SEMA3D: variants seen among roughly 807,000 people sequenced by gnomAD.
SEMA3D encodes semaphorin-3D.
A neutral mutation model predicts 100.1 loss-of-function variants in SEMA3D; 84 were observed. The ratio of observed to expected loss-of-function variants is 0.84; its 90% confidence interval spans 0.70 to 1.01. SEMA3D has a LOEUF of 1.01. SEMA3D is among the 50% of genes least tolerant of loss of function. The pLI is 0.00. For missense variants in SEMA3D, 875 were observed against 934.1 expected, an observed-to-expected ratio of 0.94 and a Z score of 0.82; for synonymous variants, 312 against 320.7, an observed-to-expected ratio of 0.97 and a Z score of 0.29.
intron 3 of SEMA3D, among the ~76,000 whole-genome samples, chr7:85,115,367 A>G (rs555996903): frequency 1.8e-4 from 27 of 152,302 alleles, no homozygotes; most frequent in African/African-American, 6.3e-4. Flanking sequence ...TAATGAGATA[A>G]TTCACACTCA....
upstream of SEMA3D, among the ~76,000 whole-genome samples, chr7:85,188,750 T>C (rs1053674179): frequency 6.6e-6 from 1 of 152,210 alleles, no homozygotes; most frequent in Non-Finnish European, 1.5e-5. Flanking sequence ...TCTTTTAAGT[T>C]GTAGCTTAAT....
chr7:85,096,191 A>C (rs903441665), intron 4 of SEMA3D, among the ~76,000 whole-genome samples: 6 of 151,934 alleles, frequency 3.9e-5, no homozygotes, highest in Non-Finnish European at 8.8e-5. Flanking sequence ...ATCCCCTGCT[A>C]AGATATTTAC....
intron 2 of SEMA3D, among the ~76,000 whole-genome samples, chr7:85,123,051 T>C (rs1308905771): frequency 6.6e-6 from 1 of 152,164 alleles, no homozygotes; most frequent in Non-Finnish European, 1.5e-5. Flanking sequence ...GGGTGGGTAA[T>C]TATTTATCTC....
intron 4 of SEMA3D, among the ~76,000 whole-genome samples, chr7:85,093,418 G>A (rs1342408752): frequency 1.3e-5 from 2 of 151,942 alleles, no homozygotes; most frequent in Admixed American, 6.6e-5. Flanking sequence ...TTGTCTGGAT[G>A]TGACCCATGA....
Position 85,056,136 on chromosome 7 carries a change from A to T in SEMA3D, c.719-277T>A, listed in dbSNP as rs184860434. ...CTTGTAGATCTTTTCAGATATGGAG[A>T]TGCTATCATTTTATATTCTCTTTCT... On this transcript the variant is annotated intron_variant, in intron 8 of 18. Coordinates refer to ENST00000284136, the MANE Select transcript of SEMA3D (RefSeq NM_001384900.1). 1.3e-4 allele frequency among the ~76,000 whole-genome samples: 19 copies of T among 151,966 alleles called. No individual in the cohort carries two copies. The East Asian group carries it at 3.5e-3, about 28-fold the overall frequency.
At chr7:85,249,878 A>T in the SEMA3D span, among the ~76,000 whole-genome samples, 2 of 152,202 alleles carry the variant, frequency 1.3e-5, no homozygotes, top group African/African-American at 2.4e-5. Flanking sequence ...AGATGGCCGA[A>T]TAGGAACAGC....
chr7:85,075,424 T>TA (rs113310937), intron 5 of SEMA3D, among the ~76,000 whole-genome samples: 1,799 of 141,448 alleles, frequency 0.013, 9 homozygotes, highest in African/African-American at 0.017. Context: ...TGGTGATTAT[T>TA]AAAAAAAAAA....
chr7:85,168,756 G>GTA (rs989813800), intron 1 of SEMA3D, among the ~76,000 whole-genome samples: 1 of 145,508 alleles, frequency 6.9e-6, no homozygotes, highest in African/African-American at 2.5e-5. Flanking sequence ...CTGTGTGTCT[G>GTA]TATATATATA....
chr7:85,227,331 T>A, the SEMA3D span, among the ~76,000 whole-genome samples: 1 of 152,242 alleles, frequency 6.6e-6, no homozygotes, highest in African/African-American at 2.4e-5. Flanking sequence ...TGTTAGGAGA[T>A]GGGAACATTG....
In SEMA3D at chr7:85,116,379, TATAAATATATAC is replaced by T. The variant is rs946833301; in HGVS notation, c.151+5350_151+5361del. 1.6e-3 allele frequency among the ~76,000 whole-genome samples: 237 copies of T among 146,758 alleles called. 1 individual carries two copies. The highest frequency in any genetic ancestry group is 4.2e-3 in the African/African-American group (169 of 40,548). On this transcript the variant is annotated intron_variant, in intron 3 of 18. Coordinates refer to ENST00000284136, the MANE Select transcript of SEMA3D (RefSeq NM_001384900.1). ...ATTATAATATATTTATATATATTTA[TATAAATATATAC>T]ATAAATATATACATATACAATTTAT...
the SEMA3D span, among the ~76,000 whole-genome samples, chr7:85,248,688 C>T: frequency 6.6e-6 from 1 of 152,094 alleles, no homozygotes; most frequent in East Asian, 1.9e-4. Flanking sequence ...ATGGAGGAAA[C>T]TTAAATGCAC....
chr7:85,220,312 T>C, the SEMA3D span, among the ~76,000 whole-genome samples: 1 of 148,838 alleles, frequency 6.7e-6, no homozygotes, highest in Admixed American at 6.7e-5. Context: ...TACATATGGG[T>C]GGCAGAGTTT....
At chr7:85,215,989 T>C in the SEMA3D span, among the ~76,000 whole-genome samples, 1 of 152,122 alleles carries the variant, frequency 6.6e-6, no homozygotes, top group Non-Finnish European at 1.5e-5. Flanking sequence ...AAACTTTTCA[T>C]CTGGAAAATA....
At chr7:85,150,175 A>G (rs1187410433) in intron 2 of SEMA3D, among the ~76,000 whole-genome samples, 1 of 151,512 alleles carries the variant, frequency 6.6e-6, no homozygotes, top group Non-Finnish European at 1.5e-5. Context: ...GTTTTAATTT[A>G]TGTTGTCAGG....
chr7:85,104,522 G>T lies in SEMA3D; in HGVS notation c.152-6557C>A, dbSNP rs187836572. On this transcript the variant is annotated intron_variant, in intron 3 of 18. Coordinates refer to ENST00000284136, the MANE Select transcript of SEMA3D (RefSeq NM_001384900.1). ...TAATTCTTTGTATCTCCCTTTTAGT[G>T]TCCCTTAATACAATTGTTCATTCAG... Among the ~76,000 whole-genome samples, 120 of 152,000 alleles carry T rather than the reference G, an allele frequency of 7.9e-4. 2 individuals carry two copies. The Middle Eastern group carries it at 0.024, about 30-fold the overall frequency.
intron 2 of SEMA3D, among the ~76,000 whole-genome samples, chr7:85,149,620 G>A (rs542599356): frequency 6.6e-6 from 1 of 152,198 alleles, no homozygotes; most frequent in Admixed American, 6.5e-5. Context: ...TTGCCATAAT[G>A]GACTGAGAAA....
chr7:85,018,190 A>G, intron 15 of SEMA3D, 62 bp downstream of exon 15: 2 of 966,292 alleles, frequency 2.1e-6, no homozygotes, highest in Non-Finnish European at 3.3e-6. Flanking sequence ...TTTTCAAATA[A>G]AGTTTGATTC....
At chr7:85,069,620 T>C (rs868492464) in intron 6 of SEMA3D, among the ~76,000 whole-genome samples, 1 of 152,320 alleles carries the variant, frequency 6.6e-6, no homozygotes. Context: ...TTCCTTATTC[T>C]TGATTAATTA....
intron 1 of SEMA3D, among the ~76,000 whole-genome samples, chr7:85,186,405 G>A (rs1023208033): frequency 6.6e-6 from 1 of 152,234 alleles, no homozygotes; most frequent in Admixed American, 6.5e-5. Flanking sequence ...GCGGAGGCTC[G>A]TCAGAAGGCT....
Sources: allele counts gnomAD v4.1 joint callset (sites outside exome capture counted in the v4.1 genomes callset), GRCh38; gene constraint gnomAD v4.1.1; transcripts MANE v1.5; gene names NCBI Gene and HGNC (gene_info 2026-07-23, HGNC 2026-07-21).